NAALADL2: variants seen among roughly 807,000 people sequenced by gnomAD.
NAALADL2 encodes N-acetylated alpha-linked acidic dipeptidase like 2.
A neutral mutation model predicts 87.2 loss-of-function variants in NAALADL2; 76 were observed. The ratio of observed to expected loss-of-function variants is 0.87; its 90% CI spans 0.72 to 1.05. The LOEUF (loss-of-function observed/expected upper bound fraction) is 1.05. Among genes scored for constraint, NAALADL2 ranks in the 50% least tolerant of loss-of-function variants. The pLI, the probability that NAALADL2 is intolerant of heterozygous loss-of-function variation, is 0.00. For synonymous variants in NAALADL2, 354 were observed against 331.0 expected (o/e 1.07, Z -0.75); for missense variants, 1,089 against 945.8 (o/e 1.15, Z -1.99).
At chr3:175,793,357 G>T (rs1367852944) in intron 13 of NAALADL2, among the ~76,000 whole-genome samples, 1 of 145,872 alleles carries the variant, frequency 6.9e-6, no homozygotes, top group Non-Finnish European at 1.5e-5. Context: ...CGCCTGGGCT[G>T]GAGTGTAGTG....
At chr3:174,480,409 A>G (rs552834031) in intron 1 of NAALADL2, among the ~76,000 whole-genome samples, 1 of 152,114 alleles carries the variant, frequency 6.6e-6, no homozygotes, top group African/African-American at 2.4e-5. Flanking sequence ...CACTCTTGGA[A>G]TGGTCCCACC....
rs144329998 is a variant in NAALADL2, at chr3:175,677,478, GGTGTGTGTGTGTGTGT to G, written c.1896+50117_1896+50132del. Among the ~76,000 whole-genome samples the G allele has an allele frequency of 9.6e-4, 134 of 140,192 alleles. 1 individual carries two copies. The highest frequency in any genetic ancestry group is 1.2e-3 in the Non-Finnish European group (75 of 64,068). The allele number at this position is 140,192 out of a possible 152,430, so 92.0% of individuals were successfully genotyped here. On this transcript the variant is annotated intron_variant, in intron 11 of 13. Transcript: ENST00000454872. ...TGGTGGCTGATAAATAGTATAATGGGGTGTGTGTGTGTGTGTGTGTGTGTGTGTGTGTGTGTGTGTC... is the reference window on the plus strand; with the variant it reads ...TGGTGGCTGATAAATAGTATAATGGGGTGTGTGTGTGTGTGTGTGTGTGTC...
chr3:175,532,736 G>C (rs926372900), intron 9 of NAALADL2, among the ~76,000 whole-genome samples: 10 of 152,172 alleles, frequency 6.6e-5, no homozygotes, highest in African/African-American at 2.4e-4. Flanking sequence ...CCTGGCTCCT[G>C]CCACTTTGGT....
chr3:174,559,730 CAGGAGGGTCCCTTTTATA>C (rs1255109207), intron 2 of NAALADL2, among the ~76,000 whole-genome samples: 3 of 152,134 alleles, frequency 2.0e-5, no homozygotes, highest in African/African-American at 7.2e-5. Context: ...GGAAAGAAGG[CAGGAGGGTCCCTTTTATA>C]AGGGTGGTAA....
chr3:175,012,177 T>G (rs1749911536), intron 1 of NAALADL2, among the ~76,000 whole-genome samples: 1 of 152,268 alleles, frequency 6.6e-6, no homozygotes, highest in Non-Finnish European at 1.5e-5. Context: ...TTTATTTATT[T>G]ATCTGAGATG....
intron 1 of NAALADL2, among the ~76,000 whole-genome samples, chr3:174,878,963 T>G (rs1242076949): frequency 6.6e-6 from 1 of 152,086 alleles, no homozygotes; most frequent in African/African-American, 2.4e-5. Context: ...TCTGTATTAC[T>G]GTCTTTCTTC....
chr3:174,465,316 A>T (rs1716470276), intron 1 of NAALADL2, among the ~76,000 whole-genome samples: 1 of 152,184 alleles, frequency 6.6e-6, no homozygotes, highest in African/African-American at 2.4e-5. Flanking sequence ...TTTGCTAGTG[A>T]TTGTCTCCCA....
chr3:174,939,834 G>A (rs371792427), intron 1 of NAALADL2, among the ~76,000 whole-genome samples: 1 of 151,992 alleles, frequency 6.6e-6, no homozygotes. Flanking sequence ...AGCAATGCTA[G>A]TGATTTTTGT....
chr3:175,551,922 C>A (rs78970667), intron 9 of NAALADL2, among the ~76,000 whole-genome samples: 706 of 122,298 alleles, frequency 5.8e-3, no homozygotes, highest in Non-Finnish European at 6.0e-3. Flanking sequence ...GACTCTGTCT[C>A]AAAAAAAAAA....
chr3:175,586,520 C>A (rs187699350), intron 10 of NAALADL2, among the ~76,000 whole-genome samples: 1 of 152,290 alleles, frequency 6.6e-6, no homozygotes, highest in African/African-American at 2.4e-5. Flanking sequence ...ACAGTCTCTT[C>A]TCAATAGCTA....
chr3:175,726,262 C>CA (rs58311186), intron 11 of NAALADL2, among the ~76,000 whole-genome samples: 60,178 of 131,210 alleles, frequency 0.46, 12,825 homozygotes, highest in African/African-American at 0.5. Context: ...TACATTTGAC[C>CA]AAAAAAAAAA....
At chr3:175,677,518 T>TGA (rs3040763) in intron 11 of NAALADL2, among the ~76,000 whole-genome samples, 2 of 150,226 alleles carry the variant, frequency 1.3e-5, no homozygotes. Context: ...TGTGTGTGTG[T>TGA]CTCGTTTATA....
chr3:174,748,326 A>AT (rs139625065), intron 3 of NAALADL2, among the ~76,000 whole-genome samples: 57,974 of 136,756 alleles, frequency 0.42, 11,519 homozygotes, highest in East Asian at 0.49. Flanking sequence ...AATAAATTAC[A>AT]TTTTTTTTTT....
At chr3:175,722,501 G>T (rs531839558) in intron 11 of NAALADL2, among the ~76,000 whole-genome samples, 1 of 152,082 alleles carries the variant, frequency 6.6e-6, no homozygotes, top group Admixed American at 6.6e-5. Flanking sequence ...GAATAAATGG[G>T]CACTGAATTC....
At chr3:175,297,264 G>C (rs1056417135) in intron 4 of NAALADL2, among the ~76,000 whole-genome samples, 1 of 152,168 alleles carries the variant, frequency 6.6e-6, no homozygotes, top group Non-Finnish European at 1.5e-5. Context: ...AGGTAACTAA[G>C]TGTTCAACAT....
intron 9 of NAALADL2, among the ~76,000 whole-genome samples, chr3:175,508,560 A>G (rs1730674191): frequency 6.6e-6 from 1 of 152,166 alleles, no homozygotes; most frequent in South Asian, 2.1e-4. Context: ...TTTGACATGC[A>G]AAAACAGCAA....
chr3:175,714,999 T>C (rs1741041819), intron 11 of NAALADL2, among the ~76,000 whole-genome samples: 2 of 152,178 alleles, frequency 1.3e-5, no homozygotes, highest in Non-Finnish European at 1.5e-5. Context: ...ATTTTCTCTT[T>C]TCTAAATTAT....
intron 9 of NAALADL2, among the ~76,000 whole-genome samples, chr3:175,544,495 G>T (rs1231973360): frequency 6.6e-6 from 1 of 152,112 alleles, no homozygotes; most frequent in Non-Finnish European, 1.5e-5. Flanking sequence ...AATTTTTACT[G>T]AAATTTTTCG....
intron 10 of NAALADL2, among the ~76,000 whole-genome samples, chr3:175,589,807 C>A (rs13066010): frequency 0.18 from 18,677 of 102,204 alleles, 1,398 homozygotes; most frequent in Non-Finnish European, 0.23. Context: ...AAAAAAAAAA[C>A]AAAAAACCAA....
Sources: gnomAD v4.1 joint callset for allele counts (sites outside exome capture counted in the v4.1 genomes callset) on GRCh38, gnomAD v4.1.1 for gene constraint, MANE v1.5 for transcripts, NCBI Gene and HGNC (gene_info 2026-07-23, HGNC 2026-07-21) for gene names.